NARS2: variants seen among roughly 807,000 people sequenced by gnomAD.
NARS2 encodes asparaginyl-tRNA synthetase.
Under a neutral mutation model 62.9 loss-of-function variants are expected in NARS2, and 60 were observed. That is an observed-to-expected ratio of 0.95 (90% CI 0.77 to 1.18). NARS2 has a LOEUF of 1.18. Ranked by LOEUF, NARS2 falls within the 50% of genes most tolerant of loss-of-function variation. The pLI is 0.00. For synonymous variants in NARS2, 196 were observed against 200.0 expected (o/e 0.98, Z 0.17); for missense variants, 619 against 576.4 (o/e 1.07, Z -0.76).
intron 7 of NARS2, among the ~76,000 whole-genome samples, chr11:78,487,354 T>TAAAA (rs764364438): frequency 2.2e-5 from 2 of 92,284 alleles, no homozygotes; most frequent in Non-Finnish European, 2.3e-5. Context: ...AGGCTCTGTC[T>TAAAA]AAAAAAAAAA....
intron 11 of NARS2, among the ~76,000 whole-genome samples, chr11:78,448,546 C>T (rs1049728786): frequency 6.6e-6 from 1 of 152,000 alleles, no homozygotes; most frequent in Non-Finnish European, 1.5e-5. Context: ...GTCTTGACCT[C>T]GTGATCCACC....
At chr11:78,503,493 C>G (rs1258211987) in intron 6 of NARS2, among the ~76,000 whole-genome samples, 1 of 152,224 alleles carries the variant, frequency 6.6e-6, no homozygotes, top group Non-Finnish European at 1.5e-5. Context: ...CCGCCTCAGC[C>G]TCCCAAAGGG....
At chr11:78,516,997 T>C (rs998636976) in intron 6 of NARS2, among the ~76,000 whole-genome samples, 2 of 152,200 alleles carry the variant, frequency 1.3e-5, no homozygotes, top group African/African-American at 4.8e-5. Flanking sequence ...GGTGACATCA[T>C]TTTTAAGCTG....
At position 78,474,520 on chromosome 11, in the gene NARS2, T is replaced by C. The variant is rs540062019; in HGVS notation, c.959+3918A>G. Among the ~76,000 whole-genome samples, 124 of 152,342 alleles carry C rather than the reference T, an allele frequency of 8.1e-4. 2 individuals are homozygous for C. The highest frequency in any genetic ancestry group is 7.1e-3 in the Admixed American group (108 of 15,298). On this transcript the variant is annotated intron_variant, in intron 9 of 13. Transcript: ENST00000281038. ...ATTAGAATCCAGGTTTTCTGAATCA[T>C]GGTTCACTACCCTCAGTGACTGAAA...
At chr11:78,506,302 T>C (rs1368902665) in intron 6 of NARS2, among the ~76,000 whole-genome samples, 3 of 152,234 alleles carry the variant, frequency 2.0e-5, no homozygotes, top group African/African-American at 4.8e-5. Context: ...CTTACAAAGT[T>C]AAGCATTAAC....
chr11:78,496,529 C>G (rs1860065080), intron 6 of NARS2, among the ~76,000 whole-genome samples: 1 of 152,152 alleles, frequency 6.6e-6, no homozygotes, highest in Admixed American at 6.5e-5. Flanking sequence ...ATTTCTGACT[C>G]TAATGCTCAT....
chr11:78,568,638 A>C lies in NARS2; in HGVS notation c.366T>G (p.Asp122Glu), dbSNP rs756680035. 3 of 1,612,084 alleles carry C rather than the reference A, an allele frequency of 1.9e-6. No homozygotes were observed. The highest frequency in any genetic ancestry group is 2.5e-6 in the Non-Finnish European group (3 of 1,178,854). ...AEKIKVIGNC[D>E]AKDFPIKYKE... ...AAAGTGTCAGAAATCATACCTTGGC[A>C]TCACAATTTCCAATAACTTTAATTT... is the stretch of plus-strand genomic sequence containing the variant. The change falls in exon 3 of 14, where the codon GAT becomes GAG. Residue 122 changes from aspartate to glutamate, a missense_variant. Transcript: ENST00000281038.
intron 5 of NARS2, among the ~76,000 whole-genome samples, chr11:78,530,824 T>C (rs890873934): frequency 6.6e-6 from 1 of 152,228 alleles, no homozygotes; most frequent in Non-Finnish European, 1.5e-5. Context: ...TTTCTGATTT[T>C]TCTTACATTT....
chr11:78,548,713 T>C (rs960671095), intron 5 of NARS2, among the ~76,000 whole-genome samples: 1 of 152,138 alleles, frequency 6.6e-6, no homozygotes, highest in Non-Finnish European at 1.5e-5. Flanking sequence ...GGCTAACCTG[T>C]TTTTCCTCCT....
intron 9 of NARS2, among the ~76,000 whole-genome samples, chr11:78,475,752 A>G (rs766596135): frequency 1.3e-5 from 2 of 151,314 alleles, no homozygotes; most frequent in African/African-American, 2.4e-5. Flanking sequence ...ACATGTCACC[A>G]CACCTGACTA....
intron 5 of NARS2, among the ~76,000 whole-genome samples, chr11:78,557,837 T>TA (rs1491554975): frequency 2.3e-4 from 31 of 136,902 alleles, no homozygotes; most frequent in African/African-American, 1.0e-3. Flanking sequence ...TATATCTCTC[T>TA]TATATTTTAT....
chr11:78,475,749 A>G (rs1398297227), intron 9 of NARS2, among the ~76,000 whole-genome samples: 2 of 151,520 alleles, frequency 1.3e-5, no homozygotes, highest in African/African-American at 4.8e-5. Flanking sequence ...GGCACATGTC[A>G]CCACACCTGA....
chr11:78,441,010 T>C (rs1027665931), intron 13 of NARS2, 81 bp downstream of exon 13: 3 of 1,274,562 alleles, frequency 2.4e-6, no homozygotes, highest in Admixed American at 3.7e-5. Context: ...TCATGGGGTC[T>C]TGGGGATACA....
chr11:78,571,529 AACATGT>A, intron 1 of NARS2, 85 bp from the exon 2 acceptor site: 1 of 867,292 alleles, frequency 1.2e-6, no homozygotes, highest in Non-Finnish European at 1.9e-6. Flanking sequence ...ATGAAAGTAA[AACATGT>A]ACTCACAATC....
At chr11:78,484,440 G>A (rs1859487279) in intron 7 of NARS2, among the ~76,000 whole-genome samples, 1 of 152,126 alleles carries the variant, frequency 6.6e-6, no homozygotes. Flanking sequence ...ACTACCACCA[G>A]AGTAAAGAGG....
chr11:78,459,806 T>G (rs1029600119), intron 11 of NARS2, among the ~76,000 whole-genome samples: 5 of 152,228 alleles, frequency 3.3e-5, no homozygotes, highest in South Asian at 4.1e-4. Flanking sequence ...GAAAGTGTCA[T>G]TAATTAAATA....
intron 11 of NARS2, among the ~76,000 whole-genome samples, chr11:78,447,902 G>A (rs9804428): frequency 0.22 from 33,991 of 151,938 alleles, 4,091 homozygotes; most frequent in East Asian, 0.41. Context: ...CAGATGGACA[G>A]AGGAATGGGA....
intron 11 of NARS2, among the ~76,000 whole-genome samples, chr11:78,463,713 C>CAAAAAAAAAAAAAAAAAAA (rs10649252): frequency 8.3e-5 from 4 of 47,978 alleles, no homozygotes; most frequent in African/African-American, 3.2e-4. Flanking sequence ...TAGTTAAGGT[C>CAAAAAAAAAAAAAAAAAAA]AAAAAAAAAA....
chr11:78,563,149 G>T (rs1856609466), intron 4 of NARS2, among the ~76,000 whole-genome samples: 1 of 151,114 alleles, frequency 6.6e-6, no homozygotes, highest in Non-Finnish European at 1.5e-5. Context: ...TACTCAAAAA[G>T]TGTCTATTTT....
Sources: gnomAD v4.1 joint callset for allele counts (sites outside exome capture counted in the v4.1 genomes callset) on GRCh38, gnomAD v4.1.1 for gene constraint, MANE v1.5 for transcripts, NCBI Gene and HGNC (gene_info 2026-07-23, HGNC 2026-07-21) for gene names.